PNKD: variants seen among roughly 807,000 people sequenced by gnomAD.
The protein encoded by PNKD is probable thioesterase PNKD.
In PNKD, 36 loss-of-function variants were observed where a neutral mutation model predicts 45.3. The ratio of observed to expected loss-of-function variants is 0.80; its 90% CI spans 0.61 to 1.05. PNKD has a LOEUF of 1.05. PNKD is among the 50% of genes least tolerant of loss of function. PNKD has a pLI of 0.00. For missense variants in PNKD, 511 were observed against 506.6 expected (o/e 1.01, Z -0.08); for synonymous variants, 197 against 210.1 (o/e 0.94, Z 0.54).
rs747014099 is a variant in PNKD, at chr2:218,317,459, G to A, written c.237-22324G>A. ...GGTGTTGAAATCCTTAGAGAGTCTG[G>A]GCTGATCAGTGTATGGGACTGATGA... On this transcript the variant is annotated intron_variant, in intron 2 of 9. Transcript: ENST00000273077. Among the ~76,000 whole-genome samples the A allele has an allele frequency of 2.9e-4, 44 of 152,226 alleles. 1 individual carries two copies. Among genetic ancestry groups the A allele is most frequent in the Non-Finnish European group, 6.0e-4 (41 of 68,040 alleles).
intron 2 of PNKD, chr2:218,279,219 C>G (rs372402169): frequency 1.9e-6 from 3 of 1,554,230 alleles, no homozygotes; most frequent in Non-Finnish European, 2.6e-6. Context: ...CCCACCGCCA[C>G]CCACACCCCC....
intron 2 of PNKD, among the ~76,000 whole-genome samples, chr2:218,309,416 CAAAAAA>C (rs10553302): frequency 9.2e-5 from 5 of 54,464 alleles, no homozygotes; most frequent in Admixed American, 2.6e-4. Context: ...GACTCCGCCT[CAAAAAA>C]AAAAAAAAAA....
chr2:218,314,398 T>C (rs1693710725), intron 2 of PNKD, among the ~76,000 whole-genome samples: 1 of 151,348 alleles, frequency 6.6e-6, no homozygotes, highest in Non-Finnish European at 1.5e-5. Flanking sequence ...ATTTTTTAAA[T>C]TTTTTGTAGA....
chr2:218,318,950 C>CTTTTTTTTTTTTTT (rs769001811), intron 2 of PNKD, among the ~76,000 whole-genome samples: 1,225 of 99,510 alleles, frequency 0.012, 13 homozygotes, highest in Non-Finnish European at 0.016. Context: ...TTTTTTTTTT[C>CTTTTTTTTTTTTTT]TTTTTTTTTT....
chr2:218,281,944 G>C (rs1435760104), intron 2 of PNKD: 1 of 1,595,770 alleles, frequency 6.3e-7, no homozygotes, highest in East Asian at 2.3e-5. Flanking sequence ...ACTCACCGTA[G>C]TTCATGGGCA....
At chr2:218,279,122 C>T in intron 2 of PNKD, 1 of 1,613,652 alleles carries the variant, frequency 6.2e-7, no homozygotes, top group Non-Finnish European at 8.5e-7. Context: ...GGAGTAGTCA[C>T]CCTGAGGCTT....
At chr2:218,273,479 ATTTTTTTTT>A (rs10562640) in intron 2 of PNKD, among the ~76,000 whole-genome samples, 2 of 96,910 alleles carry the variant, frequency 2.1e-5, no homozygotes, top group African/African-American at 8.8e-5. Context: ...TTTTTTACTT[ATTTTTTTTT>A]TTTTTTTTTG....
intron 2 of PNKD, chr2:218,274,058 A>G (rs902140237): frequency 1.3e-5 from 2 of 154,620 alleles, no homozygotes; most frequent in African/African-American, 2.4e-5. Context: ...TCACTAGTCT[A>G]TTGCATCCGT....
intron 7 of PNKD, 85 bp downstream of exon 7, chr2:218,342,229 A>G: frequency 2.6e-6 from 3 of 1,153,898 alleles, no homozygotes; most frequent in Non-Finnish European, 3.8e-6. Context: ...AGAGCACTGA[A>G]GCCTTAGTTT....
At chr2:218,341,720 G>A (rs1466467438) in intron 6 of PNKD, 94 bp downstream of exon 6, 2 of 1,002,350 alleles carry the variant, frequency 2.0e-6, no homozygotes, top group East Asian at 2.6e-5. Flanking sequence ...ATCAGCAGGT[G>A]GATCTTTGCC....
intron 2 of PNKD, chr2:218,275,921 T>C: frequency 7.6e-7 from 1 of 1,323,944 alleles, no homozygotes; most frequent in Non-Finnish European, 1.1e-6. Flanking sequence ...TGGCCTGCTA[T>C]GGCCCCATTC....
chr2:218,285,757 A>G (rs1187924987), intron 2 of PNKD: 2 of 152,734 alleles, frequency 1.3e-5, no homozygotes, highest in Non-Finnish European at 2.9e-5. Flanking sequence ...ACTCAGCCAC[A>G]CTCACCTCTG....
intron 2 of PNKD, among the ~76,000 whole-genome samples, chr2:218,329,400 G>A (rs918832929): frequency 6.6e-5 from 10 of 152,224 alleles, no homozygotes; most frequent in Non-Finnish European, 1.0e-4. Context: ...ACTAAACAAA[G>A]CCCAGAGCCC....
chr2:218,336,075 C>T (rs1297549547), intron 2 of PNKD, among the ~76,000 whole-genome samples: 13 of 151,888 alleles, frequency 8.6e-5, no homozygotes, highest in African/African-American at 2.4e-4. Flanking sequence ...ATTAGCCAGG[C>T]GTGGTGGTGG....
intron 7 of PNKD, among the ~76,000 whole-genome samples, chr2:218,342,995 G>A (rs1274806869): frequency 2.0e-5 from 3 of 152,214 alleles, no homozygotes; most frequent in African/African-American, 2.4e-5. Context: ...TGCCAGCTGC[G>A]GGACAGAATG....
At chr2:218,293,294 C>T (rs1242108407) in intron 2 of PNKD, among the ~76,000 whole-genome samples, 4 of 152,236 alleles carry the variant, frequency 2.6e-5, no homozygotes, top group African/African-American at 9.6e-5. Flanking sequence ...TGAAATATTA[C>T]TGGAGCCTGG....
chr2:218,344,807 G>C lies in PNKD; in HGVS notation c.985-1G>C, dbSNP rs1694783221. On this transcript the variant is annotated splice_acceptor_variant, in intron 9 of 9. Coordinates refer to ENST00000273077, the MANE Select transcript of PNKD (RefSeq NM_015488.5). LOFTEE classifies it high-confidence loss of function. ...CCAAACCTGGTTCCTCTCACCCACA[G>C]TGCCCATCTACCCTGGGAGAGGAGC... is the stretch of plus-strand genomic sequence containing the variant. 6.2e-7 allele frequency: 1 copy of C among 1,613,824 alleles called. No homozygotes were observed. Among genetic ancestry groups the C allele is most frequent in the Non-Finnish European group, 8.5e-7 (1 of 1,179,714 alleles).
chr2:218,315,012 T>TTTTC (rs1693739490), intron 2 of PNKD, among the ~76,000 whole-genome samples: 1 of 4,052 alleles, frequency 2.5e-4, no homozygotes, highest in African/African-American at 8.0e-4. Flanking sequence ...CTTTCTTTCT[T>TTTTC]TTTCTTTCTT....
At chr2:218,343,684 C>A in intron 8 of PNKD, 98 bp downstream of exon 8, 1 of 902,772 alleles carries the variant, frequency 1.1e-6, no homozygotes, top group Non-Finnish European at 1.8e-6. Flanking sequence ...GCAGGCCAGC[C>A]CAGTTCCTGG....
Sources: allele counts gnomAD v4.1 joint callset (sites outside exome capture counted in the v4.1 genomes callset), GRCh38; gene constraint gnomAD v4.1.1; transcripts MANE v1.5; gene names NCBI Gene and HGNC (gene_info 2026-07-23, HGNC 2026-07-21).